The following UTRN variants were observed in gnomAD, a reference collection of about 807,000 sequenced individuals.
UTRN encodes the protein utrophin.
In UTRN, 283 loss-of-function variants were observed where a neutral mutation model predicts 463.9. That is an observed-to-expected ratio of 0.61 (90% CI 0.55 to 0.67). The LOEUF (loss-of-function observed/expected upper bound fraction) is 0.67. UTRN is among the 30% of genes least tolerant of loss of function. The pLI, the probability that UTRN is intolerant of heterozygous loss-of-function variation, is 0.00. For missense variants in UTRN, 3,922 were observed against 4,084.3 expected, an observed-to-expected ratio of 0.96 and a Z score of 1.08; for synonymous variants, 1,442 against 1,431.5, an observed-to-expected ratio of 1.01 and a Z score of -0.17.
chr6:144,477,120 C>T (rs184879014), intron 25 of UTRN, among the ~76,000 whole-genome samples: 2 of 151,924 alleles, frequency 1.3e-5, no homozygotes, highest in Non-Finnish European at 1.5e-5. Flanking sequence ...ATGGTTTCTC[C>T]GTGGTAATGG....
In UTRN at chr6:144,385,025, A is replaced by C. The variant is rs1412590981; in HGVS notation, c.80-18098A>C. On this transcript the variant is annotated intron_variant, in intron 2 of 74. Coordinates refer to ENST00000367545, the MANE Select transcript of UTRN (RefSeq NM_007124.3). Reference sequence around the variant, plus strand: ...GGAAATGCTAAAGTTTTGAGGAAAGATCATTCATCCAAATCTTTTTGTTTG... The same window carrying C: ...GGAAATGCTAAAGTTTTGAGGAAAGCTCATTCATCCAAATCTTTTTGTTTG... 2.0e-5 allele frequency among the ~76,000 whole-genome samples: 3 copies of C among 152,164 alleles called. No homozygotes were observed. In the East Asian group the frequency reaches 5.8e-4, roughly 29 times the overall value.
intron 51 of UTRN, among the ~76,000 whole-genome samples, chr6:144,649,122 G>T (rs772184349): frequency 1.3e-5 from 2 of 152,180 alleles, no homozygotes; most frequent in Non-Finnish European, 2.9e-5. Flanking sequence ...GCTTTGAGTA[G>T]AAGGTGGAAA....
intron 2 of UTRN, among the ~76,000 whole-genome samples, chr6:144,337,041 C>T (rs1204379881): frequency 1.3e-5 from 2 of 152,122 alleles, no homozygotes; most frequent in South Asian, 2.1e-4. Flanking sequence ...GGAGGCCTCA[C>T]CCACTGGGTT....
intron 41 of UTRN, among the ~76,000 whole-genome samples, chr6:144,527,947 G>A (rs1434826856): frequency 5.3e-5 from 8 of 151,500 alleles, no homozygotes; most frequent in Non-Finnish European, 1.0e-4. Flanking sequence ...TCCTTGATTG[G>A]TTTAATAATC....
intron 2 of UTRN, among the ~76,000 whole-genome samples, chr6:144,309,113 C>T (rs1806012525): frequency 6.6e-6 from 1 of 152,148 alleles, no homozygotes; most frequent in Non-Finnish European, 1.5e-5. Flanking sequence ...CTCCATGACT[C>T]TTTCTTCATT....
intron 50 of UTRN, among the ~76,000 whole-genome samples, chr6:144,563,270 A>G (rs1319136931): frequency 6.6e-6 from 1 of 152,124 alleles, no homozygotes; most frequent in African/African-American, 2.4e-5. Context: ...TTTCCAAGTA[A>G]TTTTGTTGTA....
rs1044890629 is a variant in UTRN, at chr6:144,403,194, A to G, written c.141+10A>G. On this transcript the variant is annotated intron_variant, in intron 3 of 74. Coordinates refer to ENST00000367545, the MANE Select transcript of UTRN (RefSeq NM_007124.3). The stretch of plus-strand genomic sequence containing the variant: ...TGCTCGATTTTCAAAGGTAACTGAG[A>G]CTTTCAAAAACTTCGATGGTTCAGA... 6.2e-7 allele frequency: 1 copy of G among 1,610,926 alleles called. No individual in the cohort carries two copies. Among genetic ancestry groups the G allele is most frequent in the Admixed American group, 1.7e-5 (1 of 59,876 alleles).
intron 2 of UTRN, among the ~76,000 whole-genome samples, chr6:144,313,261 C>T (rs749781246): frequency 6.6e-5 from 10 of 151,582 alleles, no homozygotes; most frequent in Admixed American, 5.9e-4. Context: ...TGCTTAGCCA[C>T]GTGGACTCAT....
At chr6:144,846,758 A>G in intron 73 of UTRN, 47 bp from the exon 74 acceptor site, 1 of 1,613,886 alleles carries the variant, frequency 6.2e-7, no homozygotes, top group Non-Finnish European at 8.5e-7. Flanking sequence ...GGAACCAACA[A>G]AGTAACAGGA....
chr6:144,726,587 T>C (rs917501829), intron 53 of UTRN, among the ~76,000 whole-genome samples: 2 of 152,162 alleles, frequency 1.3e-5, no homozygotes, highest in Admixed American at 6.5e-5. Context: ...ACAAGAAATA[T>C]AGAAATGTCA....
At chr6:144,672,169 C>T (rs1218399171) in intron 51 of UTRN, among the ~76,000 whole-genome samples, 10 of 151,840 alleles carry the variant, frequency 6.6e-5, no homozygotes, top group East Asian at 5.8e-4. Context: ...ATACTGGCTT[C>T]GTAGAATGAT....
chr6:144,426,895 G>A (rs537709955), intron 7 of UTRN, among the ~76,000 whole-genome samples: 36 of 152,220 alleles, frequency 2.4e-4, no homozygotes, highest in African/African-American at 7.9e-4. Flanking sequence ...TATAAAAGAC[G>A]AGGCCCAAGA....
At chr6:144,488,568 C>T in intron 29 of UTRN, 105 bp from the exon 30 acceptor site, 1 of 1,104,836 alleles carries the variant, frequency 9.1e-7, no homozygotes, top group Admixed American at 2.8e-5. Flanking sequence ...AAGCTAAAGT[C>T]TTGGATGAAA....
At chr6:144,583,940 A>G (rs1802217738) in intron 51 of UTRN, among the ~76,000 whole-genome samples, 1 of 152,202 alleles carries the variant, frequency 6.6e-6, no homozygotes, top group African/African-American at 2.4e-5. Context: ...TGGCACATTA[A>G]TCTTATGTAA....
chr6:144,451,784 A>T (rs552638356), intron 18 of UTRN, among the ~76,000 whole-genome samples: 1 of 152,252 alleles, frequency 6.6e-6, no homozygotes, highest in South Asian at 2.1e-4. Flanking sequence ...GTTAGTTTAG[A>T]TCACCCTTAA....
intron 35 of UTRN, 37 bp downstream of exon 35, chr6:144,511,160 C>A: frequency 7.0e-7 from 1 of 1,434,006 alleles, no homozygotes; most frequent in South Asian, 1.6e-5. Context: ...GAAATCTTCT[C>A]CTCTCTTCTA....
In UTRN at chr6:144,310,592, C is replaced by T. The variant is rs181641597; in HGVS notation, c.79+18685C>T. Among the ~76,000 whole-genome samples, 898 of 147,992 alleles carry T rather than the reference C, an allele frequency of 6.1e-3. 6 individuals are homozygous for T. The highest frequency in any genetic ancestry group is 7.8e-3 in the Non-Finnish European group (524 of 67,224). On this transcript the variant is annotated intron_variant, in intron 2 of 74. Coordinates refer to ENST00000367545, the MANE Select transcript of UTRN (RefSeq NM_007124.3). ...TAGTGCATGCCTGTGGTCCCAGCTA[C>T]CTGGGAGGCCGAGGTGGGGAGACAG...
intron 65 of UTRN, among the ~76,000 whole-genome samples, chr6:144,811,075 A>T (rs1328768579): frequency 6.6e-6 from 1 of 152,152 alleles, no homozygotes; most frequent in Non-Finnish European, 1.5e-5. Flanking sequence ...CTAGTAAAAA[A>T]TATCGAATTT....
intron 73 of UTRN, 68 bp from the exon 74 acceptor site, chr6:144,846,737 G>T: frequency 6.2e-7 from 1 of 1,607,002 alleles, no homozygotes; most frequent in Non-Finnish European, 8.5e-7. Context: ...GCATTTGCAT[G>T]CCTGAGAGTT....
Sources: gnomAD v4.1 joint callset for allele counts (sites outside exome capture counted in the v4.1 genomes callset) on GRCh38, gnomAD v4.1.1 for gene constraint, MANE v1.5 for transcripts, NCBI Gene and HGNC (gene_info 2026-07-23, HGNC 2026-07-21) for gene names.